The following KIAA1217 variants were observed in gnomAD, a reference collection of about 807,000 sequenced individuals.
KIAA1217 encodes sickle tail protein homolog.
In KIAA1217, 88 loss-of-function variants were observed where a neutral mutation model predicts 163.9. The observed-to-expected ratio is 0.54, with a 90% CI of 0.45 to 0.64. KIAA1217 has a LOEUF of 0.64. Among genes scored for constraint, KIAA1217 ranks in the 30% least tolerant of loss-of-function variants. The probability of loss-of-function intolerance (pLI) is 0.00; values close to 1 mark genes in which losing one functional copy is unlikely to be tolerated. For missense variants in KIAA1217, 2,372 were observed against 2,475.0 expected, an observed-to-expected ratio of 0.96 and a Z score of 0.88; for synonymous variants, 903 against 923.1, an observed-to-expected ratio of 0.98 and a Z score of 0.39.
rs753538331 is a variant in KIAA1217 at position 24,547,643 on chromosome 10, T to G, written c.*1319T>G. Reference sequence around the variant, plus strand: ...TCTGGGGTGACTAATGATGAGTTCCTAATAAATTAATTGCAAGTGTGGTGC... The same window carrying G: ...TCTGGGGTGACTAATGATGAGTTCCGAATAAATTAATTGCAAGTGTGGTGC... On this transcript the variant is annotated 3_prime_UTR_variant, in exon 21 of 21. Coordinates refer to ENST00000376454, the MANE Select transcript of KIAA1217 (RefSeq NM_019590.5). 3.9e-5 allele frequency: 6 copies of G among 152,200 alleles called. No homozygotes were observed. Among genetic ancestry groups the G allele is most frequent in the Non-Finnish European group, 8.8e-5 (6 of 68,030 alleles). The allele number at this position is 152,200 out of a possible 1,614,324, so 9.4% of individuals were successfully genotyped here. A position where few individuals can be genotyped will look rare whatever the true frequency, so the allele number is the denominator to read the frequency against.
Position 24,495,204 on chromosome 10 carries a change from A to G in KIAA1217, c.1834+8A>G. ...ACCACACAGATAGTGCAGGTAAGTA[A>G]GTGTTTTTGGAGCTGTAGGAGGCCT... On this transcript the variant is annotated splice_region_variant and intron_variant, in intron 8 of 20. Transcript: ENST00000376454. 2 of 1,610,866 alleles carry G rather than the reference A, an allele frequency of 1.2e-6. No homozygotes were observed. Among genetic ancestry groups the G allele is most frequent in the South Asian group, 2.2e-5 (2 of 90,160 alleles).
chr10:24,060,076 T>A (rs962155981), intron 2 of KIAA1217, among the ~76,000 whole-genome samples: 1 of 152,288 alleles, frequency 6.6e-6, no homozygotes, highest in South Asian at 2.1e-4. Flanking sequence ...AGTCTTCTCT[T>A]TTTTTTCTTA....
At chr10:24,542,518 C>T in intron 17 of KIAA1217, 175 bp from the exon 18 acceptor site, 1 of 1,422,370 alleles carries the variant, frequency 7.0e-7, no homozygotes, top group Non-Finnish European at 9.2e-7. Context: ...GCATTTTTGG[C>T]AGTTGGAGAA....
chr10:23,985,095 T>C (rs1845917859), intron 1 of KIAA1217, among the ~76,000 whole-genome samples: 1 of 152,140 alleles, frequency 6.6e-6, no homozygotes, highest in South Asian at 2.1e-4. Context: ...ATAGAGGCAC[T>C]TTTCCAGCTA....
chr10:24,321,108 C>T (rs557644266), intron 2 of KIAA1217, among the ~76,000 whole-genome samples: 13 of 151,742 alleles, frequency 8.6e-5, no homozygotes, highest in African/African-American at 2.4e-4. Flanking sequence ...AACAGTGGGG[C>T]GGTTCCTCAG....
At chr10:24,230,392 CT>C (rs1199983791) in intron 2 of KIAA1217, among the ~76,000 whole-genome samples, 3 of 151,854 alleles carry the variant, frequency 2.0e-5, no homozygotes, top group Non-Finnish European at 4.4e-5. Context: ...ACGCAAATAT[CT>C]CAGATTTTGG....
At chr10:24,288,129 A>C (rs1441206340) in intron 2 of KIAA1217, among the ~76,000 whole-genome samples, 1 of 151,548 alleles carries the variant, frequency 6.6e-6, no homozygotes, top group Non-Finnish European at 1.5e-5. Flanking sequence ...TCAGAAGCCT[A>C]CTCCCTAATT....
At chr10:23,907,711 G>A (rs753193460) in intron 1 of KIAA1217, among the ~76,000 whole-genome samples, 9 of 152,062 alleles carry the variant, frequency 5.9e-5, no homozygotes, top group Non-Finnish European at 1.0e-4. Flanking sequence ...TCAGCCTACC[G>A]ACTCAAACGT....
At chr10:24,114,963 A>G (rs1205933480) in intron 2 of KIAA1217, among the ~76,000 whole-genome samples, 1 of 152,194 alleles carries the variant, frequency 6.6e-6, no homozygotes, top group Non-Finnish European at 1.5e-5. Context: ...TCACTGCTCA[A>G]CTGGTTCCTT....
At chr10:23,818,002 T>C (rs866372635) in intron 1 of KIAA1217, among the ~76,000 whole-genome samples, 1,467 of 103,686 alleles carry the variant, frequency 0.014, 70 homozygotes, top group African/African-American at 0.051. Context: ...TATATATATA[T>C]ATATATACAC....
At chr10:23,941,939 A>G (rs1260802063) in intron 1 of KIAA1217, among the ~76,000 whole-genome samples, 1 of 152,136 alleles carries the variant, frequency 6.6e-6, no homozygotes, top group Admixed American at 6.5e-5. Context: ...GGAGAAAACA[A>G]TCTTCCACAA....
intron 2 of KIAA1217, among the ~76,000 whole-genome samples, chr10:24,325,115 A>G (rs1267612332): frequency 6.6e-6 from 1 of 152,222 alleles, no homozygotes; most frequent in Admixed American, 6.5e-5. Context: ...TCACCCAGAA[A>G]CAAGCACTAT....
At chr10:23,738,540 G>C (rs1287453806) in intron 1 of KIAA1217, among the ~76,000 whole-genome samples, 1 of 151,780 alleles carries the variant, frequency 6.6e-6, no homozygotes, top group Non-Finnish European at 1.5e-5. Context: ...TCATTTTCTT[G>C]TATCTTTTTC....
chr10:24,088,709 G>C (rs1306432635), intron 2 of KIAA1217, among the ~76,000 whole-genome samples: 1 of 123,670 alleles, frequency 8.1e-6, no homozygotes, highest in African/African-American at 2.5e-5. Context: ...TGGACATTTG[G>C]GTTGGTTCCA....
intron 2 of KIAA1217, among the ~76,000 whole-genome samples, chr10:24,073,384 C>A (rs1252336521): frequency 6.6e-6 from 1 of 152,044 alleles, no homozygotes; most frequent in Non-Finnish European, 1.5e-5. Context: ...TAGTCAAGGG[C>A]ATATTGAGCT....
chr10:24,051,934 C>A (rs1489628426), intron 2 of KIAA1217, among the ~76,000 whole-genome samples: 1 of 152,112 alleles, frequency 6.6e-6, no homozygotes, highest in African/African-American at 2.4e-5. Context: ...ATTTCTTTTG[C>A]TGTGCAGAAG....
At chr10:24,152,460 G>A (rs2064665146) in intron 2 of KIAA1217, among the ~76,000 whole-genome samples, 2 of 152,090 alleles carry the variant, frequency 1.3e-5, no homozygotes, top group African/African-American at 4.8e-5. Context: ...TGTCCAAACT[G>A]AAAGTTAATG....
chr10:24,141,000 A>G (rs2064042279), intron 2 of KIAA1217, among the ~76,000 whole-genome samples: 1 of 152,158 alleles, frequency 6.6e-6, no homozygotes, highest in Non-Finnish European at 1.5e-5. Flanking sequence ...AAAAGCCTGG[A>G]TAGAATGCAT....
At chr10:24,239,028 A>T in intron 2 of KIAA1217, 1 of 294,810 alleles carries the variant, frequency 3.4e-6, no homozygotes, top group Non-Finnish European at 5.0e-6. Flanking sequence ...CCTGACAGGT[A>T]ATGTTGGCAT....
Sources: allele counts gnomAD v4.1 joint callset (sites outside exome capture counted in the v4.1 genomes callset), GRCh38; gene constraint gnomAD v4.1.1; transcripts MANE v1.5; gene names NCBI Gene and HGNC (gene_info 2026-07-23, HGNC 2026-07-21).